The following RHEX variants were observed in gnomAD, a reference collection of about 807,000 sequenced individuals.
RHEX encodes the protein regulator of hemoglobinization and erythroid cell expansion.
Under a neutral mutation model 20.1 loss-of-function variants are expected in RHEX, and 18 were observed. The observed-to-expected ratio is 0.90, with a 90% confidence interval of 0.62 to 1.33. The LOEUF (loss-of-function observed/expected upper bound fraction) is 1.33. RHEX is among the 40% of genes most tolerant of loss of function. RHEX has a pLI of 0.00. For synonymous variants in RHEX, 87 were observed against 77.1 expected (o/e 1.13, Z -0.67); for missense variants, 192 against 214.3 (o/e 0.90, Z 0.65).
chr1:206,071,154 C>T (rs1662521169), intron 1 of RHEX, among the ~76,000 whole-genome samples: 1 of 152,166 alleles, frequency 6.6e-6, no homozygotes, highest in African/African-American at 2.4e-5. Context: ...GGTTGAAGGT[C>T]TGAGAGCCCC....
intron 3 of RHEX, 87 bp from the exon 4 acceptor site, chr1:206,099,568 C>T: frequency 7.6e-7 from 1 of 1,319,928 alleles, no homozygotes; most frequent in Non-Finnish European, 1.0e-6. Flanking sequence ...ATCCATTTAC[C>T]TCAGCCTCCC....
chr1:206,053,613 G>C (rs1485714863), intron 1 of RHEX, among the ~76,000 whole-genome samples: 2 of 152,204 alleles, frequency 1.3e-5, no homozygotes, highest in African/African-American at 4.8e-5. Flanking sequence ...ATTCAAGAAA[G>C]AATTTAAGGG....
chr1:206,063,676 A>T (rs1662352243), intron 1 of RHEX, among the ~76,000 whole-genome samples: 1 of 152,222 alleles, frequency 6.6e-6, no homozygotes, highest in Non-Finnish European at 1.5e-5. Flanking sequence ...TTGCAGACGG[A>T]GTCTGGTTCA....
chr1:206,064,351 C>T (rs560206359), intron 1 of RHEX, among the ~76,000 whole-genome samples: 20 of 129,344 alleles, frequency 1.5e-4, no homozygotes, highest in African/African-American at 4.0e-4. Context: ...AGTGAGGAGC[C>T]CCTCTGCCTA....
At chr1:206,062,961 T>G (rs1553283526) in intron 1 of RHEX, among the ~76,000 whole-genome samples, 1 of 152,062 alleles carries the variant, frequency 6.6e-6, no homozygotes, top group Non-Finnish European at 1.5e-5. Context: ...AAGAAACACA[T>G]AAACACACAA....
intron 1 of RHEX, among the ~76,000 whole-genome samples, chr1:206,091,589 T>C (rs1662951505): frequency 6.6e-6 from 1 of 152,228 alleles, no homozygotes; most frequent in Non-Finnish European, 1.5e-5. Context: ...TTGTATTATA[T>C]AAAAGACAGC....
At position 206,099,676 on chromosome 1, in the gene RHEX, T is replaced by G. The variant is rs555425096; in HGVS notation, c.134T>G (p.Leu45Arg). 30 of 1,614,142 alleles carry G rather than the reference T, an allele frequency of 1.9e-5. 1 individual carries two copies. In the East Asian group the frequency reaches 6.7e-4, roughly 36 times the overall value. Residue 45 changes from leucine to arginine, a missense_variant, in exon 4 of 6, where the codon CTG (leucine) becomes CGG (arginine). Physicochemically the swap from Leu to Arg is moderately radical, Grantham distance 102. Coordinates refer to ENST00000331555, the MANE Select transcript of RHEX (RefSeq NM_001007544.4). ...RHMAHKSEQILKAASLQVPRP... is the reference protein window; with the variant it reads ...RHMAHKSEQIRKAASLQVPRP... ...CCAGCCCACAAGAGTGAACAGATAC[T>G]GAAAGCGGCCAGTCTCCAGGTTCCC...
At chr1:206,059,584 G>C (rs1340510413) in intron 1 of RHEX, among the ~76,000 whole-genome samples, 1 of 152,020 alleles carries the variant, frequency 6.6e-6, no homozygotes, top group Non-Finnish European at 1.5e-5. Context: ...TCACTTTATG[G>C]GGAAGAAACA....
chr1:206,086,736 C>T (rs781891098), intron 1 of RHEX, among the ~76,000 whole-genome samples: 2 of 152,110 alleles, frequency 1.3e-5, no homozygotes, highest in East Asian at 1.9e-4. Context: ...AGGCTGGGCA[C>T]GGTGGCTCAC....
At chr1:206,076,631 C>T (rs146418247) in intron 1 of RHEX, among the ~76,000 whole-genome samples, 3 of 152,354 alleles carry the variant, frequency 2.0e-5, no homozygotes, top group African/African-American at 7.2e-5. Flanking sequence ...ATGCCATGTA[C>T]TTCCCCCAAA....
intron 1 of RHEX, among the ~76,000 whole-genome samples, chr1:206,066,683 C>T (rs1433260016): frequency 6.6e-6 from 1 of 152,154 alleles, no homozygotes; most frequent in African/African-American, 2.4e-5. Context: ...AAAGCAGACA[C>T]TTCAGAGACA....
At chr1:206,101,078 C>G (rs1435599065) in intron 4 of RHEX, 58 bp from the exon 5 acceptor site, 1 of 1,369,526 alleles carries the variant, frequency 7.3e-7, no homozygotes, top group Non-Finnish European at 1.0e-6. Context: ...TTGTCTCTAT[C>G]CTCTCTTAAC....
At chr1:206,060,952 G>A (rs1391743190) in intron 1 of RHEX, 2 of 152,092 alleles carry the variant, frequency 1.3e-5, no homozygotes, top group East Asian at 1.9e-4. Flanking sequence ...TAGTGGGAGG[G>A]TAATATGAAG....
chr1:206,066,357 C>T (rs1553284163), intron 1 of RHEX, among the ~76,000 whole-genome samples: 1 of 152,222 alleles, frequency 6.6e-6, no homozygotes, highest in Non-Finnish European at 1.5e-5. Context: ...TGGCTCACGC[C>T]TGTAATCCCA....
rs377126529 is a variant in RHEX, at chr1:206,067,778, G to A, written c.-97+14513G>A. Among the ~76,000 whole-genome samples the A allele has an allele frequency of 2.0e-5, 3 of 152,096 alleles. No individual in the cohort carries two copies. Among genetic ancestry groups the A allele is most frequent in the Non-Finnish European group, 2.9e-5 (2 of 68,022 alleles). On this transcript the variant is annotated intron_variant, in intron 1 of 5. Transcript: ENST00000331555. The surrounding 1 kb of genome is among the most constrained non-coding windows in gnomAD (Gnocchi z 4.6). ...CTTTGCAGACAGCCCCTTCTCTGCC[G>A]TGCTGCCCATTGCCTCCTTGCAACA...
chr1:206,099,154 G>C (rs146360560), intron 3 of RHEX, among the ~76,000 whole-genome samples: 1 of 152,142 alleles, frequency 6.6e-6, no homozygotes, highest in African/African-American at 2.4e-5. Flanking sequence ...GTGAGGCCTC[G>C]GAGGCTGGGA....
At chr1:206,091,948 T>C (rs1662959142) in intron 1 of RHEX, among the ~76,000 whole-genome samples, 1 of 152,216 alleles carries the variant, frequency 6.6e-6, no homozygotes, top group African/African-American at 2.4e-5. Flanking sequence ...CCTTAAAAGT[T>C]TGAAACTCCT....
At chr1:206,088,949 A>T (rs1662894148) in intron 1 of RHEX, among the ~76,000 whole-genome samples, 1 of 151,966 alleles carries the variant, frequency 6.6e-6, no homozygotes, top group Non-Finnish European at 1.5e-5. Flanking sequence ...CCTCCCAAGT[A>T]TCTGGGAGTA....
At chr1:206,082,190 G>T (rs2102319794) in intron 1 of RHEX, among the ~76,000 whole-genome samples, 1 of 152,266 alleles carries the variant, frequency 6.6e-6, no homozygotes, top group African/African-American at 2.4e-5. Context: ...CTCAGCCCAA[G>T]GGGTGGCTTT....
Sources: allele counts gnomAD v4.1 joint callset (sites outside exome capture counted in the v4.1 genomes callset), GRCh38; gene constraint gnomAD v4.1.1; non-coding constraint Gnocchi (gnomAD v3.1); transcripts MANE v1.5; gene names NCBI Gene and HGNC (gene_info 2026-07-23, HGNC 2026-07-21).